PLB1: variants seen among roughly 807,000 people sequenced by gnomAD.
PLB1 encodes phospholipase B1, also known as phospholipase B1, membrane-associated.
A neutral mutation model predicts 227.4 loss-of-function variants in PLB1; 242 were observed. The observed-to-expected ratio is 1.06, with a 90% CI of 0.96 to 1.18. The LOEUF is 1.18. Among genes scored for constraint, PLB1 ranks in the 50% most tolerant of loss-of-function variants. The pLI is 0.00. For missense variants in PLB1, 1,858 were observed against 1,816.3 expected, an observed-to-expected ratio of 1.02 and a Z score of -0.42; for synonymous variants, 757 against 682.2, an observed-to-expected ratio of 1.11 and a Z score of -1.71.
chr2:28,567,951 T>C (rs1202616198), intron 20 of PLB1, among the ~76,000 whole-genome samples: 2 of 152,228 alleles, frequency 1.3e-5, no homozygotes, highest in Non-Finnish European at 2.9e-5. Context: ...TTTCATTTAC[T>C]TTCCTGGTAC....
chr2:28,556,378 C>T (rs1675121287), intron 17 of PLB1, among the ~76,000 whole-genome samples: 1 of 152,084 alleles, frequency 6.6e-6, no homozygotes, highest in South Asian at 2.1e-4. Context: ...TTACGGGGCC[C>T]TAGGATGAGA....
At chr2:28,632,850 G>T (rs1688822574) in intron 55 of PLB1, 94 bp from the exon 56 acceptor site, 1 of 808,000 alleles carries the variant, frequency 1.2e-6, no homozygotes, top group Non-Finnish European at 2.1e-6. Flanking sequence ...AAGAATGAAA[G>T]GAGACATGCC....
At chr2:28,639,819 C>T (rs1016797802) in intron 56 of PLB1, among the ~76,000 whole-genome samples, 3 of 152,178 alleles carry the variant, frequency 2.0e-5, no homozygotes, top group Non-Finnish European at 4.4e-5. Context: ...CCCAATCACA[C>T]GTGCTTTCAT....
intron 1 of PLB1, among the ~76,000 whole-genome samples, chr2:28,505,656 T>A (rs1667564363): frequency 6.6e-6 from 1 of 152,228 alleles, no homozygotes; most frequent in Non-Finnish European, 1.5e-5. Context: ...AGGTAACATT[T>A]GTTTTGCAAG....
Position 28,565,296 on chromosome 2 carries a change from G to T in PLB1, c.1223G>T (p.Gly408Val), listed in dbSNP as rs374897329. Residue 408 changes from glycine to valine, a missense_variant, in exon 19 of 58, where the codon GGG (glycine) becomes GTG (valine). Coordinates refer to ENST00000327757, the MANE Select transcript of PLB1 (RefSeq NM_153021.5). ...GDSLTAGNGA[G>V]STPGNVLDVL... ...CCCTCTCAGGCAGGCAATGGGGCCG[G>T]GTCCACACCTGGGAACGTCTTGGAC... The T allele has an allele frequency of 2.5e-6, 4 of 1,611,964 alleles. No homozygotes were observed. The highest frequency in any genetic ancestry group is 3.4e-6 in the Non-Finnish European group (4 of 1,179,308).
intron 10 of PLB1, among the ~76,000 whole-genome samples, chr2:28,538,875 C>T (rs920638609): frequency 6.6e-6 from 1 of 152,170 alleles, no homozygotes; most frequent in Non-Finnish European, 1.5e-5. Context: ...GCGCCCCGCC[C>T]ACCGTGAGGG....
At chr2:28,506,524 A>G (rs188400078) in intron 1 of PLB1, among the ~76,000 whole-genome samples, 2 of 152,326 alleles carry the variant, frequency 1.3e-5, no homozygotes, top group Admixed American at 1.3e-4. Context: ...GAGATTTTTC[A>G]GAGTGCCTTT....
At chr2:28,600,514 G>GA (rs1449297470) in intron 35 of PLB1, among the ~76,000 whole-genome samples, 1 of 152,176 alleles carries the variant, frequency 6.6e-6, no homozygotes, top group Non-Finnish European at 1.5e-5. Context: ...TCTTAGCATG[G>GA]AATCCTAAAG....
At position 28,601,332 on chromosome 2, in the gene PLB1, G is replaced by A. The variant is rs201356371; in HGVS notation, c.2607G>A (p.Ser869=). 9.7e-5 allele frequency: 156 copies of A among 1,613,320 alleles called. No individual in the cohort carries two copies. Among genetic ancestry groups the A allele is most frequent in the Non-Finnish European group, 1.0e-4 (119 of 1,179,476 alleles). ...ATTTATGTGACTACTGCACAGATTC[G>A]GTAATTGGGGCCAGGTCCAGGCCTA... is the stretch of plus-strand genomic sequence containing the variant. The part of the protein sequence containing the change: ...GSDLCDYCTD[S]NLYSAANFVH... Residue 869 remains serine (S), a splice_region_variant and synonymous_variant, in exon 37 of 58, where the codon TCG becomes TCA. Transcript: ENST00000327757.
intron 6 of PLB1, 85 bp downstream of exon 6, chr2:28,526,030 C>T: frequency 7.0e-7 from 1 of 1,427,236 alleles, no homozygotes; most frequent in Non-Finnish European, 9.7e-7. Context: ...AGAGAATGGA[C>T]ACCACCAGCC....
intron 54 of PLB1, among the ~76,000 whole-genome samples, chr2:28,630,948 C>T (rs1217513838): frequency 6.6e-6 from 1 of 152,062 alleles, no homozygotes; most frequent in Non-Finnish European, 1.5e-5. Context: ...CCACCCAGAG[C>T]CATGTGTAAT....
rs1409782112 is a variant in PLB1, at chr2:28,633,056, C to T, written c.4098+17C>T. The T allele has an allele frequency of 5.6e-6, 9 of 1,605,472 alleles. No homozygotes were observed. The highest frequency in any genetic ancestry group is 8.5e-7 in the Non-Finnish European group (1 of 1,172,674). ...AACAACATGGTGAGCAGCCAAGGGC[C>T]TGGTGGGCCTTGTCAAGGGGGGATC... On this transcript the variant is annotated intron_variant, in intron 56 of 57. Coordinates refer to ENST00000327757, the MANE Select transcript of PLB1 (RefSeq NM_153021.5).
chr2:28,599,023 G>A (rs908323018), intron 35 of PLB1, among the ~76,000 whole-genome samples: 15 of 152,180 alleles, frequency 9.9e-5, no homozygotes, highest in Admixed American at 3.9e-4. Context: ...TGGACGAATC[G>A]ACTAACCTTA....
At chr2:28,624,316 G>T (rs956921826) in intron 49 of PLB1, among the ~76,000 whole-genome samples, 1 of 152,146 alleles carries the variant, frequency 6.6e-6, no homozygotes, top group Admixed American at 6.5e-5. Flanking sequence ...GGATCAAAGA[G>T]TATATACTTT....
intron 1 of PLB1, among the ~76,000 whole-genome samples, chr2:28,513,264 G>A (rs1450097484): frequency 6.6e-6 from 1 of 152,188 alleles, no homozygotes; most frequent in African/African-American, 2.4e-5. Context: ...CTTTTGGCAG[G>A]CAGTTAGGGA....
chr2:28,518,561 A>G (rs1357932800), intron 3 of PLB1, 29 bp downstream of exon 3: 4 of 1,570,220 alleles, frequency 2.5e-6, no homozygotes, highest in Non-Finnish European at 3.5e-6. Flanking sequence ...TGAGCAGGAA[A>G]AGCCTGGCGT....
At chr2:28,621,643 G>GCTC (rs1263221281) in intron 49 of PLB1, among the ~76,000 whole-genome samples, 2 of 152,162 alleles carry the variant, frequency 1.3e-5, no homozygotes, top group Admixed American at 1.3e-4. Context: ...GGATCACTAT[G>GCTC]CTCCGATCAC....
At chr2:28,508,721 G>C (rs1667902998) in intron 1 of PLB1, among the ~76,000 whole-genome samples, 1 of 152,240 alleles carries the variant, frequency 6.6e-6, no homozygotes, top group Non-Finnish European at 1.5e-5. Context: ...GCTTAGTGGA[G>C]AGCAGTGTGG....
chr2:28,588,614 G>A (rs1055348384), intron 26 of PLB1, among the ~76,000 whole-genome samples: 6 of 152,162 alleles, frequency 3.9e-5, no homozygotes, highest in African/African-American at 1.4e-4. Flanking sequence ...GGCTGAGTCA[G>A]CCTAGAGTGG....
Sources: allele counts gnomAD v4.1 joint callset (sites outside exome capture counted in the v4.1 genomes callset), GRCh38; gene constraint gnomAD v4.1.1; transcripts MANE v1.5; gene names NCBI Gene and HGNC (gene_info 2026-07-23, HGNC 2026-07-21).